The following AEBP2 variants were observed in gnomAD, a reference collection of about 807,000 sequenced individuals.
AEBP2 encodes the protein AE binding protein 2.
In AEBP2, 10 loss-of-function variants were observed where a neutral mutation model predicts 50.8. That is an observed-to-expected ratio of 0.20 (90% CI 0.12 to 0.33). The LOEUF is 0.33. AEBP2 is among the 10% of genes least tolerant of loss of function. AEBP2 has a pLI of 1.00. For missense variants in AEBP2, 570 were observed against 688.0 expected (o/e 0.83, Z 1.92); for synonymous variants, 296 against 261.3 (o/e 1.13, Z -1.28).
chr12:19,492,924 C>T (rs1592765402), intron 3 of AEBP2, among the ~76,000 whole-genome samples: 3 of 151,370 alleles, frequency 2.0e-5, no homozygotes, highest in Admixed American at 2.0e-4. Context: ...TGCAGTGAGC[C>T]GAGATCATGC....
At chr12:19,418,878 C>G (rs1484660541) in intron 1 of AEBP2, 3 of 139,852 alleles carry the variant, frequency 2.1e-5, no homozygotes, top group Admixed American at 1.4e-4. Context: ...AGTGCCACTG[C>G]ACTCTAGCCT....
intron 1 of AEBP2, among the ~76,000 whole-genome samples, chr12:19,455,160 ATTTTTT>A (rs34852339): frequency 2.7e-5 from 4 of 145,648 alleles, no homozygotes; most frequent in African/African-American, 1.0e-4. Context: ...TGCCCAGCTA[ATTTTTT>A]TTTTTTTTAA....
At chr12:19,471,139 T>G (rs1433268503) in intron 2 of AEBP2, among the ~76,000 whole-genome samples, 2 of 152,132 alleles carry the variant, frequency 1.3e-5, no homozygotes, top group Non-Finnish European at 2.9e-5. Context: ...TCTTGAGAGA[T>G]GATCTGTCTC....
In AEBP2 at chr12:19,514,691, A is replaced by G. The variant is rs1565739752; in HGVS notation, c.1388A>G (p.Asn463Ser). The stretch of plus-strand genomic sequence containing the variant: ...CATAGTCTGCCTGATGTGTGGGTGA[A>G]TGAAAGTGAACGACATCAGTTAAAA... ...PEDILPDVWV[N>S]ESERHQLKTK... is the part of the protein sequence containing the mutation. The change falls in exon 7 of 8, where the codon AAT becomes AGT. Residue 463 changes from asparagine to serine, a missense_variant. Asn to Ser is a conservative substitution (Grantham distance 46). This residue lies in a region of AEBP2 where 184 missense variants were observed against 351.2 expected (regional missense o/e 0.52). Transcript: ENST00000266508. The G allele has an allele frequency of 5.6e-6, 9 of 1,608,752 alleles. No individual in the cohort carries two copies. Among genetic ancestry groups the G allele is most frequent in the Non-Finnish European group, 5.1e-6 (6 of 1,177,614 alleles).
At chr12:19,487,849 C>A (rs1188884388) in intron 3 of AEBP2, among the ~76,000 whole-genome samples, 1 of 152,038 alleles carries the variant, frequency 6.6e-6, no homozygotes, top group Non-Finnish European at 1.5e-5. Context: ...ACAAATATTT[C>A]TGATTAGTGA....
intron 1 of AEBP2, among the ~76,000 whole-genome samples, chr12:19,446,347 C>CACACCTGTCATCCCTGCACTTTGG (rs1250293063): frequency 1.3e-5 from 2 of 152,148 alleles, no homozygotes; most frequent in African/African-American, 4.8e-5. Flanking sequence ...TATGGTTACT[C>CACACCTGTCATCCCTGCACTTTGG]ACACCTGTCA....
intron 1 of AEBP2, among the ~76,000 whole-genome samples, chr12:19,412,172 C>T (rs1182569309): frequency 6.6e-6 from 1 of 152,122 alleles, no homozygotes; most frequent in African/African-American, 2.4e-5. Flanking sequence ...TCTCAGAGGC[C>T]CTGGAATCTT....
At chr12:19,451,213 G>A (rs780461830) in intron 1 of AEBP2, among the ~76,000 whole-genome samples, 2 of 152,096 alleles carry the variant, frequency 1.3e-5, no homozygotes, top group Non-Finnish European at 2.9e-5. Context: ...GATTTGGGCC[G>A]GGTTCTGCAG....
intron 3 of AEBP2, among the ~76,000 whole-genome samples, chr12:19,485,708 C>CAAAA (rs35033010): frequency 4.8e-5 from 6 of 124,718 alleles, no homozygotes; most frequent in South Asian, 2.6e-4. Context: ...GACCCTGTCT[C>CAAAA]AAAAAAAAAA....
In AEBP2 at chr12:19,512,471, T is replaced by C; in HGVS notation, c.1367+6T>C. 3 of 1,531,036 alleles carry C rather than the reference T, an allele frequency of 2.0e-6. No homozygotes were observed. The highest frequency in any genetic ancestry group is 2.7e-6 in the Non-Finnish European group (3 of 1,128,332). The allele number at this position is 1,531,036 out of a possible 1,614,324, so 94.8% of individuals were successfully genotyped here. A position where few individuals can be genotyped will look rare whatever the true frequency, so the allele number is the denominator to read the frequency against. ...CATTGGATGCCTGAAGACATGTAAG[T>C]ATTTGAAATATTATGCCTTAGTAAT... On this transcript the variant is annotated splice_donor_region_variant and intron_variant, in intron 6 of 7. Transcript: ENST00000266508.
chr12:19,453,635 G>T (rs1948206982), intron 1 of AEBP2, among the ~76,000 whole-genome samples: 1 of 151,390 alleles, frequency 6.6e-6, no homozygotes, highest in Non-Finnish European at 1.5e-5. Context: ...TGTTGGCTAG[G>T]CTGGTCTCAA....
intron 1 of AEBP2, chr12:19,456,630 A>C: frequency 6.6e-7 from 1 of 1,525,748 alleles, no homozygotes; most frequent in Non-Finnish European, 9.1e-7. Context: ...AGCCGCTTCC[A>C]TTGGTGGGTC....
At chr12:19,456,938 C>T (rs1948279906) in intron 1 of AEBP2, 2 of 1,482,248 alleles carry the variant, frequency 1.3e-6, no homozygotes, top group South Asian at 1.1e-5. Flanking sequence ...AGGATGTAGT[C>T]CAGAGCCTCA....
intron 1 of AEBP2, 134 bp from the exon 2 acceptor site, chr12:19,462,376 A>C: frequency 1.4e-6 from 1 of 721,052 alleles, no homozygotes; most frequent in East Asian, 2.7e-5. Context: ...TTGTTTTCTC[A>C]TGGAGAATAT....
chr12:19,509,794 G>A (rs960375725), intron 5 of AEBP2, among the ~76,000 whole-genome samples: 1 of 145,036 alleles, frequency 6.9e-6, no homozygotes, highest in African/African-American at 2.5e-5. Context: ...CTTTTACTTC[G>A]ATAATATTAG....
At chr12:19,491,944 G>A (rs1948899137) in intron 3 of AEBP2, among the ~76,000 whole-genome samples, 1 of 152,146 alleles carries the variant, frequency 6.6e-6, no homozygotes, top group Non-Finnish European at 1.5e-5. Context: ...ACTTTATGAG[G>A]AAAGTTATGA....
At chr12:19,440,467 C>A in intron 1 of AEBP2, 97 bp downstream of exon 1, 1 of 1,410,800 alleles carries the variant, frequency 7.1e-7, no homozygotes, top group Non-Finnish European at 9.2e-7. Flanking sequence ...GATCCCCCTG[C>A]TCCCCGAATC....
chr12:19,494,569 CAG>C (rs1948942496), intron 4 of AEBP2, among the ~76,000 whole-genome samples: 1 of 139,656 alleles, frequency 7.2e-6, no homozygotes, highest in Non-Finnish European at 1.5e-5. Context: ...TGGCGTGAGA[CAG>C]GGTTTCACTG....
At chr12:19,423,425 G>A (rs1301959054) in intron 1 of AEBP2, among the ~76,000 whole-genome samples, 1 of 152,154 alleles carries the variant, frequency 6.6e-6, no homozygotes, top group Non-Finnish European at 1.5e-5. Flanking sequence ...AGGCATGCTT[G>A]AAGACAGAGT....
Sources: allele counts gnomAD v4.1 joint callset (sites outside exome capture counted in the v4.1 genomes callset), GRCh38; gene constraint gnomAD v4.1.1; regional missense constraint gnomAD v4.1.1; transcripts MANE v1.5; gene names NCBI Gene and HGNC (gene_info 2026-07-23, HGNC 2026-07-21).